Variants in PHLDB1 observed in about 807,000 individuals in gnomAD.
PHLDB1 encodes pleckstrin homology like domain family B member 1.
Under a neutral mutation model 139.3 loss-of-function variants are expected in PHLDB1, and 65 were observed. That is an observed-to-expected ratio of 0.47 (90% CI 0.38 to 0.57). The LOEUF is 0.57. PHLDB1 is among the 20% of genes least tolerant of loss of function. The probability of loss-of-function intolerance (pLI) is 0.00; values close to 1 mark genes in which losing one functional copy is unlikely to be tolerated. For missense variants in PHLDB1, 1,624 were observed against 1,839.7 expected, an observed-to-expected ratio of 0.88 and a Z score of 2.14; for synonymous variants, 679 against 734.5, an observed-to-expected ratio of 0.92 and a Z score of 1.22.
Position 118,632,084 on chromosome 11 carries a change from C to T in PHLDB1, c.2241+31C>T. Reference sequence around the variant, plus strand: ...CCGTGAAGTCCCTAGCTGGACTCTTCCCTAGGCCAACTGAAGGCCCCAGAG... The same window carrying T: ...CCGTGAAGTCCCTAGCTGGACTCTTTCCTAGGCCAACTGAAGGCCCCAGAG... On this transcript the variant is annotated intron_variant, in intron 8 of 22. Transcript: ENST00000600882. The surrounding 1 kb of genome is among the most constrained non-coding windows in gnomAD (Gnocchi z 5.9). 2.5e-6 allele frequency: 4 copies of T among 1,613,576 alleles called. No homozygotes were observed. Among genetic ancestry groups the T allele is most frequent in the Non-Finnish European group, 3.4e-6 (4 of 1,179,664 alleles).
chr11:118,613,882 C>A lies in PHLDB1; in HGVS notation c.46C>A (p.Gln16Lys), dbSNP rs781909582. 19 of 1,608,582 alleles carry A rather than the reference C, an allele frequency of 1.2e-5. No individual in the cohort carries two copies. In the South Asian group the frequency reaches 1.9e-4, roughly 16 times the overall value. The change falls in exon 2 of 23, where the codon CAG becomes AAG. Residue 16 changes from glutamine (Q) to lysine (K), a missense_variant. Physicochemically the swap from Gln to Lys is moderately conservative, Grantham distance 53 (BLOSUM62 1). Coordinates refer to ENST00000600882, the MANE Select transcript of PHLDB1 (RefSeq NM_001144758.3). Reference sequence around the variant, plus strand: ...CCAAATAGGCCCTGGATGCCAGACCCAGACCATGGTGCAGGTGAGTGGGAT... The same window carrying A: ...CCAAATAGGCCCTGGATGCCAGACCAAGACCATGGTGCAGGTGAGTGGGAT... ...RNQIGPGCQT[Q>K]TMVQKGPLDL...
intron 1 of PHLDB1, among the ~76,000 whole-genome samples, chr11:118,612,623 G>A (rs1484611174): frequency 3.3e-5 from 5 of 152,184 alleles, no homozygotes; most frequent in African/African-American, 9.7e-5. Flanking sequence ...AAATGGTGAC[G>A]GAGATGATGC....
chr11:118,657,969 TG>T lies in PHLDB1; in HGVS notation c.*1151del, dbSNP rs782698332. On this transcript the variant is annotated 3_prime_UTR_variant, in exon 23 of 23. Transcript: ENST00000600882. ...AGCCCTTGGTTGCCTGGGCCCAGGC[TG>T]GGGGTTTTCAGTATTTGTAAGCATT... 1.7e-5 allele frequency: 5 copies of T among 295,900 alleles called. No homozygotes were observed. The highest frequency in any genetic ancestry group is 2.6e-5 in the Non-Finnish European group (4 of 156,276). 18.3% of individuals were successfully genotyped at this position (295,900 alleles called of 1,614,324 possible). A position where few individuals can be genotyped will look rare whatever the true frequency, so the allele number is the denominator to read the frequency against.
At position 118,628,446 on chromosome 11, in the gene PHLDB1, C is replaced by T; in HGVS notation, c.1623C>T (p.Ala541=). 1.2e-6 allele frequency: 2 copies of T among 1,611,152 alleles called. No homozygotes were observed. Among genetic ancestry groups the T allele is most frequent in the South Asian group, 1.1e-5 (1 of 90,910 alleles). ...KGSFSGRLSP[A]YSLGSLTGAS... ...GCTTCAGTGGCAGGCTGAGCCCAGC[C>T]TACAGTCTGGGCTCTCTTACTGGGG... Residue 541 remains alanine, a synonymous_variant, in exon 6 of 23, where the codon GCC becomes GCT. Transcript: ENST00000600882.
rs1940215663 is a variant in PHLDB1 at position 118,611,197 on chromosome 11, C to A, written c.-21-2619C>A. 6.6e-6 allele frequency among the ~76,000 whole-genome samples: 1 copy of A among 152,226 alleles called. No individual in the cohort carries two copies. The highest frequency in any genetic ancestry group is 6.5e-5 in the Admixed American group (1 of 15,286). ...GCGGCGATCGCCCTTTGGGAAAGCA[C>A]CGCCTGAGTGCAGGGCAGGTTGGCC... On this transcript the variant is annotated intron_variant, in intron 1 of 22. Transcript: ENST00000600882. The surrounding 1 kb of genome is among the most constrained non-coding windows in gnomAD (Gnocchi z 4.7).
At chr11:118,612,743 G>A (rs1254151001) in intron 1 of PHLDB1, among the ~76,000 whole-genome samples, 1 of 152,206 alleles carries the variant, frequency 6.6e-6, no homozygotes, top group South Asian at 2.1e-4. Flanking sequence ...GCGGGCTGCT[G>A]CCCCTACTTC....
At chr11:118,644,484 T>A (rs1426764948) in intron 15 of PHLDB1, 2 of 452,052 alleles carry the variant, frequency 4.4e-6, no homozygotes, top group Non-Finnish European at 8.0e-6. Flanking sequence ...ATGGATTTGA[T>A]GACTTCTAGA....
Position 118,645,658 on chromosome 11 carries a change from C to G in PHLDB1, c.3416+8C>G, listed in dbSNP as rs782203407. The G allele has an allele frequency of 6.2e-7, 1 of 1,613,392 alleles. No individual in the cohort carries two copies. Among genetic ancestry groups the G allele is most frequent in the South Asian group, 1.1e-5 (1 of 91,016 alleles). On this transcript the variant is annotated splice_region_variant and intron_variant, in intron 16 of 22. Coordinates refer to ENST00000600882, the MANE Select transcript of PHLDB1 (RefSeq NM_001144758.3). This position sits in a 1 kb window ranked among gnomAD's most constrained non-coding sequence, Gnocchi z 5.1. ...CCCTGACAACATGTCCAGGTACACC[C>G]GACGCCTGGGCCCGCAGCCTCCCTC...
rs1555099937 is a variant in PHLDB1, at chr11:118,625,053, G to C, written c.475G>C (p.Val159Leu). 3.1e-6 allele frequency: 5 copies of C among 1,606,012 alleles called. No homozygotes were observed. The South Asian group carries it at 5.6e-5, about 18-fold the overall frequency. The part of the protein sequence containing the change: ...GRAPGPPYSP[V>L]PAESESLVNG... ...AGCCCCTGGGCCCCCCTACAGCCCTGTTCCTGGTAGGTACCGACGGGGGCA... is the reference window on the plus strand; with the variant it reads ...AGCCCCTGGGCCCCCCTACAGCCCTCTTCCTGGTAGGTACCGACGGGGGCA... Residue 159 changes from valine to leucine, a missense_variant, in exon 5 of 23, where the codon GTT becomes CTT. Transcript: ENST00000600882.
rs1949183228 is a variant in PHLDB1, at chr11:118,657,569, G to C, written c.*746G>C. 6.5e-6 allele frequency: 1 copy of C among 152,958 alleles called. No individual in the cohort carries two copies. The highest frequency in any genetic ancestry group is 6.5e-5 in the Admixed American group (1 of 15,290). The allele number at this position is 152,958 out of a possible 1,614,324, so 9.5% of individuals were successfully genotyped here. The stretch of plus-strand genomic sequence containing the variant: ...CTGTGTCTTCAGCCCTGATGCACAG[G>C]CTGCCAGCCCCCCAGTCCAGCCCTC... On this transcript the variant is annotated 3_prime_UTR_variant, in exon 23 of 23. Transcript: ENST00000600882.
chr11:118,645,473 C>T lies in PHLDB1; in HGVS notation c.3239C>T (p.Pro1080Leu). 6.2e-7 allele frequency: 1 copy of T among 1,611,108 alleles called. No individual in the cohort carries two copies. The highest frequency in any genetic ancestry group is 2.2e-5 in the East Asian group (1 of 44,866). The change falls in exon 16 of 23, where the codon CCC (proline) becomes CTC (leucine). Residue 1080 changes from proline to leucine, a missense_variant. Physicochemically the swap from Pro to Leu is moderately conservative, Grantham distance 98. Coordinates refer to ENST00000600882, the MANE Select transcript of PHLDB1 (RefSeq NM_001144758.3). The surrounding 1 kb of genome is among the most constrained non-coding windows in gnomAD (Gnocchi z 5.1). ...GGGGCAGCACCCTTCCCAGCGGGCC[C>T]CTCGGGCTTCCCCCCTCTCATGCAC... ...LHGAAPFPAG[P>L]SGFPPLMHHS...
chr11:118,628,382 C>T lies in PHLDB1; in HGVS notation c.1559C>T (p.Ser520Leu), dbSNP rs782630712. The change falls in exon 6 of 23, where the codon TCA becomes TTA. Residue 520 changes from serine (S) to leucine (L), a missense_variant. Ser to Leu is a moderately radical substitution (Grantham distance 145, BLOSUM62 -2). Coordinates refer to ENST00000600882, the MANE Select transcript of PHLDB1 (RefSeq NM_001144758.3). ...CGGGGCCGTAGGACACGGAGCCCCT[C>T]ACCCACACTGGGTGAGTCTCTGGCA... ...GARGRRTRSP[S>L]PTLGESLAPH... is the part of the protein sequence containing the mutation. The T allele has an allele frequency of 1.6e-5, 25 of 1,610,932 alleles. No homozygotes were observed. Among genetic ancestry groups the T allele is most frequent in the Non-Finnish European group, 2.0e-5 (23 of 1,178,818 alleles).
At chr11:118,624,562 TC>T (rs1317582371) in intron 4 of PHLDB1, 1 of 248,848 alleles carries the variant, frequency 4.0e-6, no homozygotes, top group Admixed American at 5.3e-5. Flanking sequence ...TGCCTGCCCT[TC>T]CAAGTGTTTT....
chr11:118,625,034 T>G lies in PHLDB1; in HGVS notation c.456T>G (p.Pro152=), dbSNP rs11216931. 30 of 1,612,160 alleles carry G rather than the reference T, an allele frequency of 1.9e-5. No homozygotes were observed. In the East Asian group the frequency reaches 6.2e-4, roughly 34 times the overall value. ...TGATTCCAGCAGGGGGCCGAGCCCC[T>G]GGGCCCCCCTACAGCCCTGTTCCTG... ...KSMIPAGGRA[P]GPPYSPVPAE... The change falls in exon 5 of 23, where the codon CCT becomes CCG. Residue 152 remains proline, a synonymous_variant. Coordinates refer to ENST00000600882, the MANE Select transcript of PHLDB1 (RefSeq NM_001144758.3).
chr11:118,640,071 C>T (rs1236766364), intron 12 of PHLDB1: 5 of 838,922 alleles, frequency 6.0e-6, no homozygotes, highest in Non-Finnish European at 7.2e-6. Context: ...GAGCCCCTGC[C>T]TACAGCTCCT....
At chr11:118,641,172 C>T (rs1420746334) in intron 12 of PHLDB1, 1 of 153,440 alleles carries the variant, frequency 6.5e-6, no homozygotes, top group African/African-American at 2.4e-5. Context: ...CGCTTGGACC[C>T]CTATGCTTCT....
At chr11:118,635,592 T>A in intron 10 of PHLDB1, 44 bp downstream of exon 10, 5 of 1,451,054 alleles carry the variant, frequency 3.4e-6, no homozygotes, top group Non-Finnish European at 4.5e-6. Flanking sequence ...TGGAGGCCAG[T>A]GACCTGGGTT....
Position 118,638,962 on chromosome 11 carries a change from G to T in PHLDB1, c.2607G>T (p.Leu869=). 6.2e-7 allele frequency: 1 copy of T among 1,613,832 alleles called. No individual in the cohort carries two copies. Among genetic ancestry groups the T allele is most frequent in the South Asian group, 1.1e-5 (1 of 91,004 alleles). ...RAQAVQESER[L]ARDKNASLQL... is the part of the protein sequence containing the mutation. ...AGGCCGTGCAGGAATCAGAACGCCT[G>T]GCCCGGGACAAGAATGCCTCCTTAC... Residue 869 remains leucine (L), a synonymous_variant, in exon 11 of 23, where the codon CTG becomes CTT. Transcript: ENST00000600882.
Position 118,656,935 on chromosome 11 carries a change from C to A in PHLDB1, c.*112C>A. 1 of 958,144 alleles carries A rather than the reference C, an allele frequency of 1.0e-6. No homozygotes were observed. The highest frequency in any genetic ancestry group is 2.4e-4 in the Middle Eastern group (1 of 4,118). The allele number at this position is 958,144 out of a possible 1,614,324, so 59.4% of individuals were successfully genotyped here. ...TCTGGGCTCTGGCCTCCTGAAGAAC[C>A]AGCCAGAAGAAGAAAAGTAGAGGTG... is the stretch of plus-strand genomic sequence containing the variant. On this transcript the variant is annotated 3_prime_UTR_variant, in exon 23 of 23. Coordinates refer to ENST00000600882, the MANE Select transcript of PHLDB1 (RefSeq NM_001144758.3).
Sources: gnomAD v4.1 joint callset for allele counts (sites outside exome capture counted in the v4.1 genomes callset) on GRCh38, gnomAD v4.1.1 for gene constraint, Gnocchi (gnomAD v3.1) non-coding constraint, MANE v1.5 for transcripts, NCBI Gene and HGNC (gene_info 2026-07-23, HGNC 2026-07-21) for gene names.